The following H3-7 variants were observed in gnomAD, a reference collection of about 807,000 sequenced individuals.
The protein encoded by H3-7 is histone H3-7.
the H3-7 span, chr1:143,905,808 C>T: frequency 5.4e-5 from 85 of 1,582,132 alleles, 10 homozygotes; most frequent in South Asian, 7.5e-4. Flanking sequence ...TCTGATAGCG[C>T]CGGATCTCCC....
chr1:143,905,975 A>G, the H3-7 span: 5 of 1,578,580 alleles, frequency 3.2e-6, 1 homozygote, highest in South Asian at 2.3e-5. Flanking sequence ...ATGCTGTCTC[A>G]TTGATACGAG....
chr1:143,905,607 G>A, the H3-7 span: 34 of 1,582,382 alleles, frequency 2.1e-5, 6 homozygotes, highest in African/African-American at 4.0e-5. Flanking sequence ...CCTTGGGCAT[G>A]ATGGTCACGC....
chr1:143,905,719 A>C, the H3-7 span: 1 of 1,582,414 alleles, frequency 6.3e-7, no homozygotes, highest in Non-Finnish European at 8.7e-7. Context: ...CTGGAAGCGC[A>C]GGTCCGTCTT....
At chr1:143,905,964 C>G in the H3-7 span, 1 of 1,579,054 alleles carries the variant, frequency 6.3e-7, no homozygotes, top group Non-Finnish European at 8.7e-7. Flanking sequence ...TAGTACGGGC[C>G]ATGCTGTCTC....
chr1:143,905,563 C>T, the H3-7 span: 7 of 1,579,144 alleles, frequency 4.4e-6, 1 homozygote, highest in Non-Finnish European at 6.1e-6. Flanking sequence ...ACCTTAGGCC[C>T]GCTCCCCGCG....
At chr1:143,904,207 C>T in the H3-7 span, 2 of 1,517,856 alleles carry the variant, frequency 1.3e-6, no homozygotes, top group East Asian at 2.3e-5. Flanking sequence ...TGATCTATTG[C>T]GTCCCTTGCA....
chr1:143,904,676 T>C, the H3-7 span: 19 of 1,482,894 alleles, frequency 1.3e-5, no homozygotes, highest in Non-Finnish European at 1.8e-5. Flanking sequence ...GGTTATGCGC[T>C]ACTTATAGAG....
the H3-7 span, chr1:143,905,495 C>A: frequency 8.1e-7 from 1 of 1,236,640 alleles, no homozygotes; most frequent in Non-Finnish European, 1.2e-6. Context: ...TACAGCTGCT[C>A]TTGATGAAAA....
chr1:143,904,784 C>A, the H3-7 span: 1 of 612,268 alleles, frequency 1.6e-6, no homozygotes, highest in Admixed American at 3.1e-5. Context: ...ATAATAGATT[C>A]TAGTCTTGCT....
chr1:143,904,378 C>A, the H3-7 span: 4 of 1,582,756 alleles, frequency 2.5e-6, 1 homozygote, highest in Non-Finnish European at 3.5e-6. Context: ...GACGCCTCTC[C>A]CGCGATGCGC....
the H3-7 span, chr1:143,904,481 G>A: frequency 1.2e-5 from 19 of 1,600,570 alleles, no homozygotes; most frequent in Non-Finnish European, 1.5e-5. Context: ...CCTCCTACAC[G>A]TAAACGGAGT....
chr1:143,904,757 G>T, the H3-7 span: 1 of 727,492 alleles, frequency 1.4e-6, no homozygotes, highest in South Asian at 1.9e-5. Context: ...TCGTCAGAGG[G>T]GGTGGAGTCT....
chr1:143,904,390 C>T, the H3-7 span: 36 of 1,582,734 alleles, frequency 2.3e-5, 4 homozygotes, highest in Middle Eastern at 3.3e-4. Context: ...GCGATGCGCT[C>T]GAAGATGTCG....
chr1:143,905,750 G>C, the H3-7 span: 4 of 1,581,926 alleles, frequency 2.5e-6, 1 homozygote, highest in Non-Finnish European at 3.5e-6. Context: ...GCGATCTCGC[G>C]TACCAGCCGC....
At chr1:143,904,642 A>T in the H3-7 span, 3 of 1,575,168 alleles carry the variant, frequency 1.9e-6, no homozygotes, top group Non-Finnish European at 2.6e-6. Context: ...TAAAGAAGTA[A>T]TCCGAACTAC....
At chr1:143,905,721 G>T in the H3-7 span, 2 of 1,582,410 alleles carry the variant, frequency 1.3e-6, no homozygotes, top group South Asian at 1.1e-5. Flanking sequence ...GGAAGCGCAG[G>T]TCCGTCTTAA....
chr1:143,905,946 A>G, the H3-7 span: 2 of 1,580,072 alleles, frequency 1.3e-6, no homozygotes, highest in South Asian at 1.1e-5. Flanking sequence ...ACTTGCGGGC[A>G]GTCTGCTTAG....
chr1:143,904,660 C>T, the H3-7 span: 129 of 1,549,916 alleles, frequency 8.3e-5, 9 homozygotes, highest in South Asian at 8.4e-4. Context: ...TACCGCAAAA[C>T]GGGCTGGTTA....
chr1:143,905,742 G>T, the H3-7 span: 3 of 1,581,832 alleles, frequency 1.9e-6, 1 homozygote, highest in East Asian at 2.3e-5. Flanking sequence ...ACTCCTGCGC[G>T]ATCTCGCGTA....
Sources: allele counts gnomAD v4.1 joint callset, GRCh38; gene constraint gnomAD v4.1.1; transcripts MANE v1.5; gene names NCBI Gene and HGNC (gene_info 2026-07-23, HGNC 2026-07-21).